ABCA13: variants seen among roughly 807,000 people sequenced by gnomAD.
ABCA13 encodes ATP binding cassette subfamily A member 13, also known as ATP-binding cassette sub-family A member 13.
A neutral mutation model predicts 478.7 loss-of-function variants in ABCA13; 476 were observed. The observed-to-expected ratio is 0.99, with a 90% CI of 0.92 to 1.07. The LOEUF (loss-of-function observed/expected upper bound fraction) is 1.07, where lower values mean the gene tolerates loss of function less well. Ranked by LOEUF, ABCA13 falls within the 50% of genes least tolerant of loss-of-function variation. The pLI is 0.00. For synonymous variants in ABCA13, 2,252 were observed against 2,158.9 expected (o/e 1.04, Z -1.20); for missense variants, 6,060 against 5,910.6 (o/e 1.03, Z -0.83).
intron 2 of ABCA13, among the ~76,000 whole-genome samples, chr7:48,194,685 C>T (rs953161410): frequency 6.6e-6 from 1 of 152,062 alleles, no homozygotes; most frequent in African/African-American, 2.4e-5. Context: ...GGGATTTACC[C>T]AAAACAGTGT....
At chr7:48,325,206 T>C (rs1303019033) in intron 27 of ABCA13, among the ~76,000 whole-genome samples, 1 of 152,216 alleles carries the variant, frequency 6.6e-6, no homozygotes, top group African/African-American at 2.4e-5. Flanking sequence ...TGATCCATAA[T>C]GGCCAACTTT....
intron 28 of ABCA13, among the ~76,000 whole-genome samples, chr7:48,336,279 A>G (rs1806253221): frequency 6.6e-6 from 1 of 152,180 alleles, no homozygotes; most frequent in Non-Finnish European, 1.5e-5. Flanking sequence ...AGCCCTTGGA[A>G]TAGGTTTTGA....
chr7:48,239,535 C>T (rs2129011052), intron 9 of ABCA13, 130 bp downstream of exon 9: 3 of 1,099,888 alleles, frequency 2.7e-6, no homozygotes, highest in Non-Finnish European at 3.8e-6. Flanking sequence ...CCTTAGGAGC[C>T]CCACATCCTG....
chr7:48,571,707 C>G (rs768265788), intron 55 of ABCA13, among the ~76,000 whole-genome samples: 7 of 152,152 alleles, frequency 4.6e-5, no homozygotes, highest in African/African-American at 7.2e-5. Flanking sequence ...ATATTATACA[C>G]ATAAGGATCT....
At chr7:48,375,651 T>C (rs903102937) in intron 34 of ABCA13, among the ~76,000 whole-genome samples, 1 of 152,034 alleles carries the variant, frequency 6.6e-6, no homozygotes, top group African/African-American at 2.4e-5. Context: ...GGTAAAACCA[T>C]GCTATAAGTA....
chr7:48,414,809 G>T (rs778137105), intron 41 of ABCA13, among the ~76,000 whole-genome samples: 1 of 152,038 alleles, frequency 6.6e-6, no homozygotes, highest in African/African-American at 2.4e-5. Context: ...AGAACAGTTT[G>T]CCTGGTTTCC....
chr7:48,258,693 G>A (rs1358793135), intron 15 of ABCA13, among the ~76,000 whole-genome samples: 4 of 152,126 alleles, frequency 2.6e-5, no homozygotes, highest in Non-Finnish European at 4.4e-5. Context: ...AGTTCCTGTA[G>A]GTGTGATGTT....
Position 48,507,963 on chromosome 7 carries a change from G to A in ABCA13, c.13438G>A (p.Asp4480Asn). ...ATCCATCGGCAGCTCTGTGGTGAGG[G>A]ACAGGGTGATTGGAGCCAAAAGGTT... is the stretch of plus-strand genomic sequence containing the variant. The part of the protein sequence containing the change: ...SASIGSSVVR[D>N]RVIGAKRLQH... The change falls in exon 50 of 62, where the codon GAC (aspartate) becomes AAC (asparagine). Residue 4480 changes from aspartate to asparagine, a missense_variant. Asp to Asn is a conservative substitution (Grantham distance 23). This residue lies in a region of ABCA13 where 1,627 missense variants were observed against 1,571.0 expected (regional missense o/e 1.04). Coordinates refer to ENST00000435803, the MANE Select transcript of ABCA13 (RefSeq NM_152701.5). 2 of 1,613,786 alleles carry A rather than the reference G, an allele frequency of 1.2e-6. No individual in the cohort carries two copies. Among genetic ancestry groups the A allele is most frequent in the South Asian group, 1.1e-5 (1 of 91,074 alleles).
intron 47 of ABCA13, among the ~76,000 whole-genome samples, chr7:48,486,428 T>C (rs114038943): frequency 0.018 from 2,666 of 152,332 alleles, 83 homozygotes; most frequent in African/African-American, 0.06. Flanking sequence ...TTTCACACTG[T>C]AATATGCGTC....
chr7:48,210,410 ATAGT>A (rs1258612775), intron 3 of ABCA13, among the ~76,000 whole-genome samples: 1 of 152,126 alleles, frequency 6.6e-6, no homozygotes, highest in Non-Finnish European at 1.5e-5. Context: ...ACCATATCAC[ATAGT>A]TAGGTTGTTT....
chr7:48,350,531 T>C (rs1237425369), intron 29 of ABCA13, 112 bp from the exon 30 acceptor site: 48 of 1,292,708 alleles, frequency 3.7e-5, no homozygotes, highest in Non-Finnish European at 4.9e-5. Context: ...AATTTTTTAG[T>C]GGAAGAATTC....
At chr7:48,247,168 G>T (rs534817162) in intron 13 of ABCA13, among the ~76,000 whole-genome samples, 1 of 152,086 alleles carries the variant, frequency 6.6e-6, no homozygotes, top group East Asian at 1.9e-4. Flanking sequence ...AGCCCAGCAG[G>T]TCAAGGCTGC....
intron 43 of ABCA13, among the ~76,000 whole-genome samples, chr7:48,459,135 C>T (rs772845154): frequency 2.0e-5 from 3 of 152,074 alleles, no homozygotes; most frequent in Non-Finnish European, 4.4e-5. Flanking sequence ...AGGGTGGAGG[C>T]GAGCAGCACA....
At chr7:48,566,775 A>T (rs1305710853) in intron 55 of ABCA13, among the ~76,000 whole-genome samples, 1 of 152,174 alleles carries the variant, frequency 6.6e-6, no homozygotes, top group South Asian at 2.1e-4. Flanking sequence ...CAAAATTCAC[A>T]TAAAGAAATT....
At position 48,238,531 on chromosome 7, in the gene ABCA13, C is replaced by T. The variant is rs1244338243; in HGVS notation, c.898-710C>T. 4.6e-5 allele frequency among the ~76,000 whole-genome samples: 7 copies of T among 151,304 alleles called. No individual in the cohort carries two copies. The East Asian group carries it at 7.7e-4, about 17-fold the overall frequency. ...TTGCCCAGGCTGGAGTGCAGTGGCA[C>T]GATCTCCGCTCACTGCAAGCTCCGC... On this transcript the variant is annotated intron_variant, in intron 8 of 61. Coordinates refer to ENST00000435803, the MANE Select transcript of ABCA13 (RefSeq NM_152701.5).
chr7:48,408,776 GATT>G (rs1563203318), intron 39 of ABCA13, among the ~76,000 whole-genome samples: 32 of 152,110 alleles, frequency 2.1e-4, no homozygotes, highest in Admixed American at 2.0e-3. Context: ...TTGTTGTACA[GATT>G]ATTGCATTGC....
At chr7:48,410,995 CTTTCT>C (rs1268630243) in intron 40 of ABCA13, among the ~76,000 whole-genome samples, 1 of 102,816 alleles carries the variant, frequency 9.7e-6, no homozygotes, top group East Asian at 3.0e-4. Flanking sequence ...TTCTTTCTTT[CTTTCT>C]TTCTTTCTTT....
At chr7:48,580,843 T>A (rs73694683) in intron 56 of ABCA13, among the ~76,000 whole-genome samples, 5,199 of 152,072 alleles carry the variant, frequency 0.034, 312 homozygotes, top group African/African-American at 0.12. Flanking sequence ...GCCAGGGGAT[T>A]CCTTCTGCCA....
At chr7:48,494,677 G>A (rs1830122859) in intron 48 of ABCA13, among the ~76,000 whole-genome samples, 1 of 152,124 alleles carries the variant, frequency 6.6e-6, no homozygotes, top group South Asian at 2.1e-4. Flanking sequence ...AGCATCTCAT[G>A]ATGTGTTTAT....
Sources: gnomAD v4.1 joint callset for allele counts (sites outside exome capture counted in the v4.1 genomes callset) on GRCh38, gnomAD v4.1.1 for gene constraint, gnomAD v4.1.1 regional missense constraint, MANE v1.5 for transcripts, NCBI Gene and HGNC (gene_info 2026-07-23, HGNC 2026-07-21) for gene names.